The following ADGRL3 variants were observed in gnomAD, a reference collection of about 807,000 sequenced individuals.
ADGRL3 encodes adhesion G protein-coupled receptor L3.
ADGRL3 carries 62 observed loss-of-function variants against 153.5 expected under a neutral mutation model. The ratio of observed to expected loss-of-function variants is 0.40; its 90% CI spans 0.33 to 0.50. The LOEUF is 0.50. Among genes scored for constraint, ADGRL3 ranks in the 20% least tolerant of loss-of-function variants. The pLI, the probability that ADGRL3 is intolerant of heterozygous loss-of-function variation, is 0.47. For missense variants in ADGRL3, 1,641 were observed against 1,859.4 expected, an observed-to-expected ratio of 0.88 and a Z score of 2.16; for synonymous variants, 710 against 672.5, an observed-to-expected ratio of 1.06 and a Z score of -0.86.
At chr4:61,696,158 T>G (rs1260617368) in intron 6 of ADGRL3, among the ~76,000 whole-genome samples, 2 of 152,212 alleles carry the variant, frequency 1.3e-5, no homozygotes, top group Non-Finnish European at 2.9e-5. Flanking sequence ...AACTTTTTCT[T>G]TGTATTCACA....
chr4:61,750,803 A>G (rs2096747077), intron 8 of ADGRL3, among the ~76,000 whole-genome samples: 1 of 151,976 alleles, frequency 6.6e-6, no homozygotes, highest in Non-Finnish European at 1.5e-5. Flanking sequence ...AAAGAAAAAA[A>G]AAAAAAAAAG....
chr4:61,799,911 G>A (rs1034042280), intron 8 of ADGRL3, among the ~76,000 whole-genome samples: 2 of 152,010 alleles, frequency 1.3e-5, no homozygotes, highest in Non-Finnish European at 2.9e-5. Context: ...CTATGAAAAG[G>A]GATTGTTTGC....
At chr4:61,869,726 G>C (rs1374809056) in intron 9 of ADGRL3, among the ~76,000 whole-genome samples, 3 of 151,668 alleles carry the variant, frequency 2.0e-5, no homozygotes, top group South Asian at 4.2e-4. Context: ...ATCACCTGAG[G>C]TCGGGAGTTC....
chr4:61,328,214 A>G (rs997424796), intron 1 of ADGRL3, among the ~76,000 whole-genome samples: 2 of 152,262 alleles, frequency 1.3e-5, no homozygotes, highest in East Asian at 1.9e-4. Context: ...GGAGACCCCA[A>G]TGTAGAGCTT....
At chr4:61,558,993 A>G (rs1284206813) in intron 4 of ADGRL3, among the ~76,000 whole-genome samples, 1 of 152,098 alleles carries the variant, frequency 6.6e-6, no homozygotes, top group Non-Finnish European at 1.5e-5. Context: ...TATTAAAACA[A>G]AACACTGTAT....
At chr4:61,358,596 CAAAAAAAAAA>C (rs71211377) in intron 1 of ADGRL3, among the ~76,000 whole-genome samples, 1 of 96,862 alleles carries the variant, frequency 1.0e-5, no homozygotes, top group Non-Finnish European at 2.0e-5. Context: ...GACTCCGTCT[CAAAAAAAAAA>C]AAAAAAAAAA....
intron 13 of ADGRL3, among the ~76,000 whole-genome samples, chr4:61,929,914 C>T (rs1442777524): frequency 6.6e-6 from 1 of 152,124 alleles, no homozygotes; most frequent in Non-Finnish European, 1.5e-5. Context: ...GTGGCTCACG[C>T]CTGTAATCTC....
intron 5 of ADGRL3, among the ~76,000 whole-genome samples, chr4:61,674,332 G>T (rs1054250900): frequency 6.6e-6 from 1 of 151,588 alleles, no homozygotes; most frequent in South Asian, 2.1e-4. Context: ...GCTCTGGTCA[G>T]AAATGAGTAG....
chr4:62,040,682 C>G (rs1727780825), intron 24 of ADGRL3, among the ~76,000 whole-genome samples: 1 of 151,960 alleles, frequency 6.6e-6, no homozygotes, highest in Non-Finnish European at 1.5e-5. Context: ...ATATAACTTC[C>G]CCTGTGATCT....
At chr4:61,465,126 T>A (rs1278913712) in intron 2 of ADGRL3, among the ~76,000 whole-genome samples, 1 of 152,198 alleles carries the variant, frequency 6.6e-6, no homozygotes, top group African/African-American at 2.4e-5. Flanking sequence ...AAGACCCACA[T>A]AGTTGATGAA....
chr4:61,448,803 G>A (rs2097628566), intron 2 of ADGRL3, among the ~76,000 whole-genome samples: 2 of 123,310 alleles, frequency 1.6e-5, no homozygotes, highest in Admixed American at 1.8e-4. Context: ...TAGGAGGGAG[G>A]AAGGGAGGGA....
chr4:61,642,605 C>T (rs867363109), intron 5 of ADGRL3, among the ~76,000 whole-genome samples: 74 of 152,074 alleles, frequency 4.9e-4, no homozygotes, highest in African/African-American at 1.5e-3. Context: ...TGTAGATATG[C>T]GGCGTTATTT....
At chr4:61,492,440 A>T (rs969915165) in intron 2 of ADGRL3, among the ~76,000 whole-genome samples, 6 of 152,134 alleles carry the variant, frequency 3.9e-5, no homozygotes, top group Non-Finnish European at 8.8e-5. Context: ...AATGTGATTT[A>T]AGAGTAGCTA....
intron 5 of ADGRL3, among the ~76,000 whole-genome samples, chr4:61,635,827 T>C (rs2093398635): frequency 6.6e-6 from 1 of 152,082 alleles, no homozygotes; most frequent in Admixed American, 6.6e-5. Flanking sequence ...CTCCTCCTTG[T>C]GTCTTCACAT....
At chr4:61,394,046 A>G (rs2152047566) in intron 2 of ADGRL3, among the ~76,000 whole-genome samples, 1 of 152,178 alleles carries the variant, frequency 6.6e-6, no homozygotes, top group African/African-American at 2.4e-5. Flanking sequence ...ACTTTGCAGA[A>G]TTTATAGCAT....
chr4:61,514,574 G>C (rs893872447), intron 3 of ADGRL3, among the ~76,000 whole-genome samples: 6 of 152,148 alleles, frequency 3.9e-5, no homozygotes, highest in African/African-American at 1.2e-4. Context: ...TATGTGGGCA[G>C]TGTAACAGCC....
chr4:61,448,870 G>GA, intron 2 of ADGRL3, among the ~76,000 whole-genome samples: 7 of 3,384 alleles, frequency 2.1e-3, no homozygotes, highest in South Asian at 0.038. Context: ...GGGAAGGAAG[G>GA]AAGGAAAGGA....
At chr4:61,459,773 T>A (rs988907734) in intron 2 of ADGRL3, among the ~76,000 whole-genome samples, 3 of 152,164 alleles carry the variant, frequency 2.0e-5, no homozygotes, top group Admixed American at 2.0e-4. Flanking sequence ...TCACTGTGGT[T>A]TTGTTTTGCA....
chr4:61,402,222 C>G (rs1002981625), intron 2 of ADGRL3, among the ~76,000 whole-genome samples: 5 of 151,914 alleles, frequency 3.3e-5, no homozygotes, highest in African/African-American at 1.2e-4. Context: ...GCTAAAGCCT[C>G]GTCTATTGGA....
Sources: allele counts gnomAD v4.1 joint callset (sites outside exome capture counted in the v4.1 genomes callset), GRCh38; gene constraint gnomAD v4.1.1; transcripts MANE v1.5; gene names NCBI Gene and HGNC (gene_info 2026-07-23, HGNC 2026-07-21).